The following ADAM29 variants were observed in gnomAD, a reference collection of about 807,000 sequenced individuals.
ADAM29 encodes disintegrin and metalloproteinase domain-containing protein 29.
For missense variants in ADAM29, 969 were observed against 1,001.8 expected, an observed-to-expected ratio of 0.97 and a Z score of 0.44; for synonymous variants, 367 against 342.3, an observed-to-expected ratio of 1.07 and a Z score of -0.80.
chr4:174,970,123 T>C (rs960810445), intron 4 of ADAM29, among the ~76,000 whole-genome samples: 3 of 152,024 alleles, frequency 2.0e-5, no homozygotes, highest in African/African-American at 7.2e-5. Flanking sequence ...AAAGAGAATA[T>C]ACACAGATTA....
intron 3 of ADAM29, among the ~76,000 whole-genome samples, chr4:174,934,395 A>G (rs1362305119): frequency 2.6e-5 from 4 of 152,058 alleles, no homozygotes; most frequent in Non-Finnish European, 5.9e-5. Context: ...AGAAATCTCA[A>G]AGAGTTTTAA....
intron 4 of ADAM29, among the ~76,000 whole-genome samples, chr4:174,958,246 G>T (rs1399254234): frequency 1.9e-5 from 1 of 52,108 alleles, no homozygotes; most frequent in East Asian, 5.8e-4. Context: ...ACTGATGGGG[G>T]GGTGGGGAAT....
At chr4:174,928,819 C>A (rs1743677042) in intron 2 of ADAM29, among the ~76,000 whole-genome samples, 1 of 152,140 alleles carries the variant, frequency 6.6e-6, no homozygotes, top group African/African-American at 2.4e-5. Context: ...GAAGGCACTC[C>A]ATCTTTCTTG....
intron 4 of ADAM29, among the ~76,000 whole-genome samples, chr4:174,956,474 A>T (rs535571215): frequency 6.7e-6 from 1 of 148,652 alleles, no homozygotes; most frequent in African/African-American, 2.5e-5. Context: ...TTTTAAAAAA[A>T]GGTGTGTGTG....
chr4:174,930,999 A>G lies in ADAM29; in HGVS notation c.-437A>G, dbSNP rs894289690. 14 of 26,606 alleles carry G rather than the reference A, an allele frequency of 5.3e-4. No individual in the cohort carries two copies. The highest frequency in any genetic ancestry group is 3.8e-3 in the Admixed American group (9 of 2,364). The allele number at this position is 26,606 out of a possible 1,614,324, so 1.6% of individuals were successfully genotyped here. ...TTCTCATTTCAGGTTAGAGTACAAA[A>G]CATTCTCCCTGCAGTCTCACGAACT... On this transcript the variant is annotated 5_prime_UTR_variant, in exon 3 of 5. Transcript: ENST00000359240.
At chr4:174,951,082 G>A (rs1240195694) in intron 4 of ADAM29, among the ~76,000 whole-genome samples, 1 of 152,170 alleles carries the variant, frequency 6.6e-6, no homozygotes, top group Non-Finnish European at 1.5e-5. Context: ...ATAGTAGTGT[G>A]AAAATGGAGT....
rs765339011 is a variant in ADAM29 at position 174,976,364 on chromosome 4, G to A, written c.839G>A (p.Arg280Gln). The A allele has an allele frequency of 2.7e-5, 44 of 1,604,410 alleles. No individual in the cohort carries two copies. Among genetic ancestry groups the A allele is most frequent in the Middle Eastern group, 1.7e-4 (1 of 6,002 alleles). Residue 280 changes from arginine (R) to glutamine (Q), a missense_variant, in exon 5 of 5, where the codon CGG becomes CAG. Arg to Gln is a conservative substitution (Grantham distance 43). Transcript: ENST00000359240. ...CKWKSENITP[R>Q]MQHDTSHLFT... is the part of the protein sequence containing the mutation. Reference sequence around the variant, plus strand: ...TGGAAGTCGGAGAACATTACGCCCCGGATGCAACATGACACCTCACATCTT... The same window carrying A: ...TGGAAGTCGGAGAACATTACGCCCCAGATGCAACATGACACCTCACATCTT...
chr4:174,976,913 A>G lies in ADAM29; in HGVS notation c.1388A>G (p.Asp463Gly). The G allele has an allele frequency of 6.2e-7, 1 of 1,614,154 alleles. No homozygotes were observed. Among genetic ancestry groups the G allele is most frequent in the Non-Finnish European group, 8.5e-7 (1 of 1,180,030 alleles). ...KVCRKEVNEC[D>G]LPEWCNGTSH... The stretch of plus-strand genomic sequence containing the variant: ...TGTAGAAAGGAGGTCAATGAATGTG[A>G]TCTTCCAGAGTGGTGCAATGGTACT... The change falls in exon 5 of 5, where the codon GAT (aspartate) becomes GGT (glycine). Residue 463 changes from aspartate (D) to glycine (G), a missense_variant. Physicochemically the swap from Asp to Gly is moderately conservative, Grantham distance 94. Coordinates refer to ENST00000359240, the MANE Select transcript of ADAM29 (RefSeq NM_014269.4).
chr4:174,929,991 T>C (rs35310492), intron 2 of ADAM29, among the ~76,000 whole-genome samples: 54,255 of 151,728 alleles, frequency 0.36, 9,805 homozygotes, highest in Middle Eastern at 0.4. Context: ...TGCAGTGGCC[T>C]GATCTCTGCT....
chr4:174,937,028 C>G lies in ADAM29; in HGVS notation c.-181+15C>G, dbSNP rs909684518. ...TGTTACTACAGGTAAATTAATTTCACTTTTTTCACTTCTTAGTACAAGGGG... is the reference window on the plus strand; with the variant it reads ...TGTTACTACAGGTAAATTAATTTCAGTTTTTTCACTTCTTAGTACAAGGGG... On this transcript the variant is annotated intron_variant, in intron 4 of 4. Transcript: ENST00000359240. 1 of 152,038 alleles carries G rather than the reference C, an allele frequency of 6.6e-6. No homozygotes were observed. Among genetic ancestry groups the G allele is most frequent in the East Asian group, 1.9e-4 (1 of 5,186 alleles). The allele number at this position is 152,038 out of a possible 1,614,324, so 9.4% of individuals were successfully genotyped here. A position where few individuals can be genotyped will look rare whatever the true frequency, so the allele number is the denominator to read the frequency against.
intron 4 of ADAM29, among the ~76,000 whole-genome samples, chr4:174,946,527 A>G (rs1331119443): frequency 6.6e-6 from 1 of 152,068 alleles, no homozygotes; most frequent in East Asian, 1.9e-4. Context: ...GACTTCCAGT[A>G]CCTTGTTGAA....
At chr4:174,963,044 A>G (rs1560886182) in intron 4 of ADAM29, among the ~76,000 whole-genome samples, 1 of 152,228 alleles carries the variant, frequency 6.6e-6, no homozygotes, top group Non-Finnish European at 1.5e-5. Flanking sequence ...TATGAAGTAC[A>G]TGGGACAATC....
At chr4:174,950,572 C>G (rs1219993928) in intron 4 of ADAM29, among the ~76,000 whole-genome samples, 2 of 152,118 alleles carry the variant, frequency 1.3e-5, no homozygotes, top group Non-Finnish European at 2.9e-5. Flanking sequence ...AAAAAACTTC[C>G]ACACACATTG....
chr4:174,976,529 G>A lies in ADAM29; in HGVS notation c.1004G>A (p.Gly335Asp), dbSNP rs1438316557. ...TCAATTGCAGTGGCTCATCATCTAG[G>A]TCATAATTTGGGCATGAACCATGAT... ...TFSIAVAHHL[G>D]HNLGMNHDED... is the part of the protein sequence containing the mutation. The change falls in exon 5 of 5, where the codon GGT (glycine) becomes GAT (aspartate). Residue 335 changes from glycine (G) to aspartate (D), a missense_variant. By Grantham distance (94) the Gly-to-Asp change is moderately conservative. Transcript: ENST00000359240. 2 of 1,607,444 alleles carry A rather than the reference G, an allele frequency of 1.2e-6. No individual in the cohort carries two copies. Among genetic ancestry groups the A allele is most frequent in the East Asian group, 2.2e-5 (1 of 44,862 alleles).
At chr4:174,958,550 A>G (rs1054561296) in intron 4 of ADAM29, among the ~76,000 whole-genome samples, 1 of 151,858 alleles carries the variant, frequency 6.6e-6, no homozygotes, top group African/African-American at 2.4e-5. Flanking sequence ...AATTTCTTGC[A>G]GACAGCATAT....
chr4:174,953,547 C>G (rs1444078571), intron 4 of ADAM29, among the ~76,000 whole-genome samples: 2 of 152,086 alleles, frequency 1.3e-5, no homozygotes, highest in African/African-American at 4.8e-5. Flanking sequence ...ACAAAACTGG[C>G]CCAGATATAC....
At chr4:174,957,358 C>A (rs576059497) in intron 4 of ADAM29, among the ~76,000 whole-genome samples, 2 of 151,772 alleles carry the variant, frequency 1.3e-5, no homozygotes, top group Non-Finnish European at 3.0e-5. Context: ...TATCTGGGTA[C>A]CTTAGATTTT....
intron 2 of ADAM29, among the ~76,000 whole-genome samples, chr4:174,924,959 G>A (rs6826366): frequency 0.23 from 34,787 of 152,108 alleles, 5,761 homozygotes; most frequent in African/African-American, 0.47. Context: ...GACAAGGAAT[G>A]TCGATAGCAG....
At chr4:174,973,552 A>C (rs1445775660) in intron 4 of ADAM29, among the ~76,000 whole-genome samples, 4 of 152,006 alleles carry the variant, frequency 2.6e-5, no homozygotes, top group Non-Finnish European at 5.9e-5. Context: ...TGCTGATGTC[A>C]CTCTGTAGGA....
Sources: gnomAD v4.1 joint callset for allele counts (sites outside exome capture counted in the v4.1 genomes callset) on GRCh38, gnomAD v4.1.1 for gene constraint, MANE v1.5 for transcripts, NCBI Gene and HGNC (gene_info 2026-07-23, HGNC 2026-07-21) for gene names.